Variants in THSD4 observed in about 807,000 individuals in gnomAD.
THSD4 encodes thrombospondin type 1 domain containing 4.
In THSD4, 69 loss-of-function variants were observed where a neutral mutation model predicts 119.0. That is an observed-to-expected ratio of 0.58 (90% confidence interval 0.48 to 0.71). The LOEUF is 0.71. Ranked by LOEUF, THSD4 falls within the 30% of genes least tolerant of loss-of-function variation. The pLI is 0.00. For synonymous variants in THSD4, 524 were observed against 540.4 expected, an observed-to-expected ratio of 0.97 and a Z score of 0.42; for missense variants, 1,393 against 1,391.1, an observed-to-expected ratio of 1.00 and a Z score of -0.02.
chr15:71,140,791 A>G (rs2040595719), intron 1 of THSD4, among the ~76,000 whole-genome samples: 1 of 152,170 alleles, frequency 6.6e-6, no homozygotes, highest in Non-Finnish European at 1.5e-5. Flanking sequence ...TACAACCATC[A>G]CCACAATCTA....
intron 6 of THSD4, among the ~76,000 whole-genome samples, chr15:71,324,325 T>C (rs996253374): frequency 6.6e-6 from 1 of 152,180 alleles, no homozygotes; most frequent in African/African-American, 2.4e-5. Context: ...TTTATTTCAA[T>C]AGCTTTTGGA....
intron 7 of THSD4, among the ~76,000 whole-genome samples, chr15:71,601,337 G>GC (rs2050007373): frequency 6.6e-6 from 1 of 152,128 alleles, no homozygotes; most frequent in Admixed American, 6.5e-5. Context: ...TAGAATGGAA[G>GC]CCTTTAGCAG....
chr15:71,198,618 A>G (rs563559484), intron 3 of THSD4, among the ~76,000 whole-genome samples: 6 of 152,316 alleles, frequency 3.9e-5, no homozygotes, highest in African/African-American at 1.4e-4. Flanking sequence ...AGAGGGTGTT[A>G]TGGGTCAGAA....
chr15:71,212,327 G>A (rs1055839103), intron 3 of THSD4, among the ~76,000 whole-genome samples: 2 of 152,142 alleles, frequency 1.3e-5, no homozygotes, highest in African/African-American at 4.8e-5. Context: ...ATAAATTAGA[G>A]AATTATTATG....
chr15:71,529,022 A>G (rs1383039543), intron 7 of THSD4, among the ~76,000 whole-genome samples: 1 of 152,238 alleles, frequency 6.6e-6, no homozygotes, highest in Non-Finnish European at 1.5e-5. Flanking sequence ...CGTATTTCCC[A>G]GCCTTCTTGA....
At chr15:71,329,643 T>C (rs1325553668) in intron 6 of THSD4, among the ~76,000 whole-genome samples, 1 of 152,180 alleles carries the variant, frequency 6.6e-6, no homozygotes, top group East Asian at 1.9e-4. Context: ...CCAGCTCTGC[T>C]CAGGTGACTT....
At chr15:71,434,710 A>G (rs2046988644) in intron 7 of THSD4, among the ~76,000 whole-genome samples, 1 of 152,122 alleles carries the variant, frequency 6.6e-6, no homozygotes, top group Admixed American at 6.5e-5. Context: ...AGAACGGAGA[A>G]GCTTAAAAAA....
chr15:71,721,913 G>A (rs1196396938), intron 8 of THSD4, among the ~76,000 whole-genome samples: 30 of 150,460 alleles, frequency 2.0e-4, no homozygotes. Context: ...GGAGTTCGAG[G>A]TTACAGTGAG....
chr15:71,488,220 TTTC>T (rs1359712403), intron 7 of THSD4, among the ~76,000 whole-genome samples: 14 of 152,230 alleles, frequency 9.2e-5, no homozygotes, highest in Non-Finnish European at 1.9e-4. Flanking sequence ...AATTATGCTT[TTTC>T]TTCTTAAACT....
intron 7 of THSD4, among the ~76,000 whole-genome samples, chr15:71,426,992 T>G (rs2046878804): frequency 6.6e-6 from 1 of 152,148 alleles, no homozygotes; most frequent in African/African-American, 2.4e-5. Flanking sequence ...GAAGTAAACT[T>G]TCGGGGCACT....
chr15:71,255,429 G>A (rs1351084909), intron 5 of THSD4, among the ~76,000 whole-genome samples: 1 of 152,182 alleles, frequency 6.6e-6, no homozygotes, highest in Non-Finnish European at 1.5e-5. Flanking sequence ...AAGCCAGAGG[G>A]AGCAGTATGT....
intron 8 of THSD4, among the ~76,000 whole-genome samples, chr15:71,692,746 G>C (rs1295766764): frequency 1.3e-5 from 2 of 152,212 alleles, no homozygotes; most frequent in East Asian, 3.9e-4. Context: ...AGGTGCTGCA[G>C]ATGACGTCTG....
At chr15:71,246,953 G>C (rs1017924693) in intron 5 of THSD4, among the ~76,000 whole-genome samples, 1 of 135,532 alleles carries the variant, frequency 7.4e-6, no homozygotes, top group African/African-American at 2.8e-5. Context: ...GCAGTGGCAC[G>C]ATCTCAGGTC....
chr15:71,516,275 A>G (rs887363308), intron 7 of THSD4, among the ~76,000 whole-genome samples: 2 of 152,142 alleles, frequency 1.3e-5, no homozygotes, highest in Non-Finnish European at 2.9e-5. Context: ...ACTCTACACA[A>G]TGTCCCCAGG....
intron 7 of THSD4, among the ~76,000 whole-genome samples, chr15:71,607,418 C>T (rs1320482735): frequency 2.6e-5 from 4 of 152,344 alleles, no homozygotes; most frequent in East Asian, 1.9e-4. Context: ...ACTCCTTTGA[C>T]GAACTGCCAA....
At chr15:71,372,318 G>C (rs1374260055) in intron 6 of THSD4, among the ~76,000 whole-genome samples, 1 of 152,180 alleles carries the variant, frequency 6.6e-6, no homozygotes, top group Non-Finnish European at 1.5e-5. Flanking sequence ...TCCGTTGCTG[G>C]CGAGGAGCTG....
intron 6 of THSD4, among the ~76,000 whole-genome samples, chr15:71,320,448 G>T (rs2045250846): frequency 6.6e-6 from 1 of 152,122 alleles, no homozygotes; most frequent in Admixed American, 6.5e-5. Context: ...CTGGCAAGCT[G>T]AACTCTCCTT....
chr15:71,307,448 A>G (rs2045045922), intron 6 of THSD4, among the ~76,000 whole-genome samples: 1 of 152,190 alleles, frequency 6.6e-6, no homozygotes, highest in Non-Finnish European at 1.5e-5. Flanking sequence ...CTCAGCCTTG[A>G]TGATTTGCTA....
chr15:71,550,417 G>A (rs1301850955), intron 7 of THSD4, among the ~76,000 whole-genome samples: 1 of 152,164 alleles, frequency 6.6e-6, no homozygotes, highest in Non-Finnish European at 1.5e-5. Flanking sequence ...ATTCTGCAAA[G>A]TGTGGTCAAA....
Sources: allele counts gnomAD v4.1 joint callset (sites outside exome capture counted in the v4.1 genomes callset), GRCh38; gene constraint gnomAD v4.1.1; transcripts MANE v1.5; gene names NCBI Gene and HGNC (gene_info 2026-07-23, HGNC 2026-07-21).